SGCZ: variants seen among roughly 807,000 people sequenced by gnomAD.
SGCZ encodes the protein sarcoglycan zeta.
In SGCZ, 40 loss-of-function variants were observed where a neutral mutation model predicts 41.3. That is an observed-to-expected ratio of 0.97 (90% confidence interval 0.75 to 1.26). The LOEUF (loss-of-function observed/expected upper bound fraction) is 1.26, where lower values mean the gene tolerates loss of function less well. Ranked by LOEUF, SGCZ falls within the 50% of genes most tolerant of loss-of-function variation. SGCZ has a pLI of 0.00. For missense variants in SGCZ, 552 were observed against 369.8 expected, an observed-to-expected ratio of 1.49 and a Z score of -4.04; for synonymous variants, 206 against 137.5, an observed-to-expected ratio of 1.50 and a Z score of -3.49.
In SGCZ at chr8:14,318,431, A is replaced by C. The variant is rs936853597; in HGVS notation, c.336+5672T>G. ...AACATAAAAAGCAGAAGTCAAAAAAAAGATTATTTCATAGCACCACAGACC... is the reference window on the plus strand; with the variant it reads ...AACATAAAAAGCAGAAGTCAAAAAACAGATTATTTCATAGCACCACAGACC... On this transcript the variant is annotated intron_variant, in intron 3 of 7. Coordinates refer to ENST00000382080, the MANE Select transcript of SGCZ (RefSeq NM_139167.4). Among the ~76,000 whole-genome samples, 43 of 152,046 alleles carry C rather than the reference A, an allele frequency of 2.8e-4. 1 individual carries two copies. The highest frequency in any genetic ancestry group is 7.4e-5 in the Non-Finnish European group (5 of 67,964).
At chr8:14,174,772 T>C (rs1219946070) in intron 4 of SGCZ, among the ~76,000 whole-genome samples, 1 of 152,118 alleles carries the variant, frequency 6.6e-6, no homozygotes, top group Non-Finnish European at 1.5e-5. Flanking sequence ...GCTTAAACAA[T>C]ACAAACGTAT....
chr8:14,311,308 A>G (rs1439607698), intron 3 of SGCZ, among the ~76,000 whole-genome samples: 1 of 152,118 alleles, frequency 6.6e-6, no homozygotes, highest in Non-Finnish European at 1.5e-5. Context: ...CAACTTCAAC[A>G]AGCACCACCA....
At chr8:14,568,253 G>A (rs1804440516) in intron 1 of SGCZ, among the ~76,000 whole-genome samples, 1 of 152,016 alleles carries the variant, frequency 6.6e-6, no homozygotes, top group South Asian at 2.1e-4. Flanking sequence ...AGAAAGAGGA[G>A]GGAGAGCATC....
At chr8:14,675,442 T>C (rs1446770039) in intron 1 of SGCZ, among the ~76,000 whole-genome samples, 1 of 152,178 alleles carries the variant, frequency 6.6e-6, no homozygotes, top group African/African-American at 2.4e-5. Context: ...GAAAATATTA[T>C]ATAATAGAAG....
chr8:14,398,037 G>C (rs117104141), intron 2 of SGCZ, among the ~76,000 whole-genome samples: 5 of 152,018 alleles, frequency 3.3e-5, no homozygotes, highest in East Asian at 1.9e-4. Flanking sequence ...CAACTCAAAG[G>C]ACCCTTTTTG....
intron 1 of SGCZ, among the ~76,000 whole-genome samples, chr8:15,160,347 C>A (rs1302796666): frequency 6.6e-6 from 1 of 152,118 alleles, no homozygotes; most frequent in Non-Finnish European, 1.5e-5. Context: ...GAATAATATT[C>A]CATTTTACAT....
At chr8:14,413,131 A>G (rs111437058) in intron 2 of SGCZ, among the ~76,000 whole-genome samples, 3,359 of 152,066 alleles carry the variant, frequency 0.022, 93 homozygotes, top group African/African-American at 0.061. Flanking sequence ...CTTCTTATCA[A>G]TATCTTTTCT....
At chr8:14,705,738 C>T (rs1024452104) in intron 1 of SGCZ, among the ~76,000 whole-genome samples, 1 of 152,012 alleles carries the variant, frequency 6.6e-6, no homozygotes, top group African/African-American at 2.4e-5. Flanking sequence ...TGAAATAGAA[C>T]ATAGTAAAAA....
chr8:15,118,431 A>C (rs1224287080), intron 1 of SGCZ, among the ~76,000 whole-genome samples: 3 of 152,164 alleles, frequency 2.0e-5, no homozygotes, highest in Non-Finnish European at 2.9e-5. Context: ...TGGGGACACT[A>C]GGATCCCCAG....
At chr8:14,571,778 C>T (rs10503502) in intron 1 of SGCZ, among the ~76,000 whole-genome samples, 50,791 of 151,864 alleles carry the variant, frequency 0.33, 9,394 homozygotes, top group Admixed American at 0.41. Context: ...AGAAACAGCA[C>T]GAATATTGAA....
At chr8:14,717,969 C>A (rs1809745800) in intron 1 of SGCZ, among the ~76,000 whole-genome samples, 1 of 136,966 alleles carries the variant, frequency 7.3e-6, no homozygotes, top group Admixed American at 7.4e-5. Context: ...GCTAGTAGAA[C>A]CTGGATAAAT....
intron 3 of SGCZ, among the ~76,000 whole-genome samples, chr8:14,261,446 G>A (rs952474340): frequency 2.0e-5 from 3 of 152,018 alleles, no homozygotes; most frequent in African/African-American, 7.2e-5. Context: ...CTTGCAGGTC[G>A]AGGTAATATA....
At chr8:14,120,784 A>G (rs1802673543) in intron 5 of SGCZ, among the ~76,000 whole-genome samples, 1 of 152,138 alleles carries the variant, frequency 6.6e-6, no homozygotes, top group African/African-American at 2.4e-5. Flanking sequence ...CATTAAAGAG[A>G]TGTTAATTAT....
intron 4 of SGCZ, among the ~76,000 whole-genome samples, chr8:14,188,974 G>C (rs1805002791): frequency 6.6e-6 from 1 of 150,458 alleles, no homozygotes; most frequent in Non-Finnish European, 1.5e-5. Context: ...TTCTGCCTCA[G>C]CCTCCTGAGT....
At chr8:14,351,048 C>T (rs1803073087) in intron 2 of SGCZ, among the ~76,000 whole-genome samples, 1 of 152,106 alleles carries the variant, frequency 6.6e-6, no homozygotes, top group Non-Finnish European at 1.5e-5. Flanking sequence ...CTTGTTAACA[C>T]TTCTGCAATA....
chr8:14,871,961 A>C (rs1050658787), intron 1 of SGCZ, among the ~76,000 whole-genome samples: 1 of 151,764 alleles, frequency 6.6e-6, no homozygotes, highest in Admixed American at 6.6e-5. Flanking sequence ...TATATAGGAC[A>C]TATACACCAT....
At chr8:15,111,111 C>T (rs1027780098) in intron 1 of SGCZ, among the ~76,000 whole-genome samples, 1 of 152,088 alleles carries the variant, frequency 6.6e-6, no homozygotes, top group Admixed American at 6.5e-5. Flanking sequence ...GATCAGAAGG[C>T]AAACACCAGG....
In SGCZ at chr8:14,107,058, TA is replaced by T. The variant is rs1314413482; in HGVS notation, c.620+1104del. Reference sequence around the variant, plus strand: ...GGTGAAACCCCGTCTCTACTAAAAATACAAAAAATTAACCGGGCACAATGGC... The same window carrying T: ...GGTGAAACCCCGTCTCTACTAAAAATCAAAAAATTAACCGGGCACAATGGC... On this transcript the variant is annotated intron_variant, in intron 6 of 7. Coordinates refer to ENST00000382080, the MANE Select transcript of SGCZ (RefSeq NM_139167.4). Among the ~76,000 whole-genome samples the T allele has an allele frequency of 3.3e-5, 5 of 151,756 alleles. No homozygotes were observed. In the East Asian group the frequency reaches 7.8e-4, roughly 24 times the overall value.
chr8:15,176,905 G>A (rs530585537), intron 1 of SGCZ, among the ~76,000 whole-genome samples: 8 of 152,286 alleles, frequency 5.3e-5, no homozygotes, highest in Admixed American at 4.6e-4. Flanking sequence ...GGAGGCTGAG[G>A]CAGGACAATG....
Sources: allele counts gnomAD v4.1 joint callset (sites outside exome capture counted in the v4.1 genomes callset), GRCh38; gene constraint gnomAD v4.1.1; transcripts MANE v1.5; gene names NCBI Gene and HGNC (gene_info 2026-07-23, HGNC 2026-07-21).